Variants in SUMF1 observed in about 807,000 individuals in gnomAD.
SUMF1 encodes sulfatase modifying factor 1, also known as formylglycine-generating enzyme.
In SUMF1, 48 loss-of-function variants were observed where a neutral mutation model predicts 47.6. The ratio of observed to expected loss-of-function variants is 1.01; its 90% CI spans 0.80 to 1.28. The LOEUF (loss-of-function observed/expected upper bound fraction) is 1.28. SUMF1 is among the 50% of genes most tolerant of loss of function. The pLI is 0.00. For synonymous variants in SUMF1, 230 were observed against 192.1 expected (o/e 1.20, Z -1.63); for missense variants, 571 against 485.4 (o/e 1.18, Z -1.66).
At chr3:4,456,734 A>ATG (rs2079628952) in intron 1 of SUMF1, among the ~76,000 whole-genome samples, 1 of 109,552 alleles carries the variant, frequency 9.1e-6, no homozygotes, top group Non-Finnish European at 2.0e-5. Flanking sequence ...ATACGTGTGT[A>ATG]TATATACACA....
intron 8 of SUMF1, among the ~76,000 whole-genome samples, chr3:4,355,437 A>C (rs1320830937): frequency 1.3e-5 from 2 of 152,152 alleles, no homozygotes; most frequent in African/African-American, 4.8e-5. Flanking sequence ...AATAAATAAA[A>C]TCTTATTTGG....
intron 1 of SUMF1, among the ~76,000 whole-genome samples, chr3:4,456,743 C>CGTGT (rs1553589097): frequency 2.2e-4 from 3 of 13,912 alleles, no homozygotes; most frequent in Admixed American, 7.6e-4. Context: ...TATATATACA[C>CGTGT]ACATATATAC....
intron 8 of SUMF1, among the ~76,000 whole-genome samples, chr3:4,111,238 C>T (rs1288726092): frequency 6.6e-6 from 1 of 151,946 alleles, no homozygotes; most frequent in Non-Finnish European, 1.5e-5. Context: ...TACTGAGTTT[C>T]ACTTCCCGCC....
intron 8 of SUMF1, among the ~76,000 whole-genome samples, chr3:4,202,519 T>C (rs1191007430): frequency 6.6e-6 from 1 of 152,076 alleles, no homozygotes; most frequent in Non-Finnish European, 1.5e-5. Context: ...CTCTGTAGTA[T>C]AATTTGAACT....
At position 4,396,917 on chromosome 3, in the gene SUMF1, A is replaced by ATAAAGCAT. The variant is rs1701057091; in HGVS notation, c.954+13947_954+13948insATGCTTTA. ...TGAAACACAAGGCTATAAAGCATCT[A>ATAAAGCAT]TGTGCTGAAAACCAGTCAACCTAAA... On this transcript the variant is annotated intron_variant, in intron 7 of 8. Coordinates refer to ENST00000272902, the MANE Select transcript of SUMF1 (RefSeq NM_182760.4). 2.0e-5 allele frequency among the ~76,000 whole-genome samples: 3 copies of ATAAAGCAT among 152,240 alleles called. No individual in the cohort carries two copies. In the South Asian group the frequency reaches 6.2e-4, roughly 32 times the overall value.
At chr3:4,348,832 G>C (rs1291352585) in intron 8 of SUMF1, among the ~76,000 whole-genome samples, 1 of 152,104 alleles carries the variant, frequency 6.6e-6, no homozygotes, top group Non-Finnish European at 1.5e-5. Flanking sequence ...CCAAGATCAC[G>C]CCATTGCACT....
chr3:4,254,210 C>T (rs1696888127), intron 8 of SUMF1, among the ~76,000 whole-genome samples: 2 of 152,018 alleles, frequency 1.3e-5, no homozygotes, highest in East Asian at 1.9e-4. Flanking sequence ...GAGCGCCTCT[C>T]CTCCTCCAAA....
At chr3:4,183,874 T>C (rs2125135934) in intron 8 of SUMF1, among the ~76,000 whole-genome samples, 1 of 152,120 alleles carries the variant, frequency 6.6e-6, no homozygotes, top group East Asian at 1.9e-4. Context: ...AAAAGAGGCA[T>C]TAAAGAAAAA....
At chr3:4,146,510 G>A (rs571293847) in intron 8 of SUMF1, among the ~76,000 whole-genome samples, 1 of 151,998 alleles carries the variant, frequency 6.6e-6, no homozygotes, top group East Asian at 1.9e-4. Context: ...GGTAGTTATA[G>A]ATAGCACCAA....
chr3:4,265,046 A>C (rs1278605204), intron 8 of SUMF1, among the ~76,000 whole-genome samples: 1 of 149,016 alleles, frequency 6.7e-6, no homozygotes, highest in East Asian at 2.0e-4. Flanking sequence ...GTGAGACAGG[A>C]GAATCGCTTG....
chr3:4,098,410 GA>G (rs1559468577), intron 8 of SUMF1, among the ~76,000 whole-genome samples: 1 of 152,112 alleles, frequency 6.6e-6, no homozygotes. Context: ...GGTAGAGCCT[GA>G]AAAACTGTGT....
chr3:4,377,098 G>A (rs1700352297), intron 7 of SUMF1, among the ~76,000 whole-genome samples: 1 of 152,180 alleles, frequency 6.6e-6, no homozygotes, highest in Non-Finnish European at 1.5e-5. Context: ...ACCATGCCAA[G>A]CCAGAATTAT....
At chr3:4,141,066 A>C (rs979305391) in intron 8 of SUMF1, among the ~76,000 whole-genome samples, 2 of 152,162 alleles carry the variant, frequency 1.3e-5, no homozygotes, top group African/African-American at 4.8e-5. Context: ...ACAGCATTAG[A>C]AGCATATAAT....
intron 8 of SUMF1, chr3:4,316,795 T>C (rs1210639785): frequency 6.4e-7 from 1 of 1,550,772 alleles, no homozygotes; most frequent in Non-Finnish European, 8.7e-7. Flanking sequence ...ATGGTCACTA[T>C]TTGGTGGTCT....
At chr3:4,399,662 A>G (rs1701145627) in intron 7 of SUMF1, among the ~76,000 whole-genome samples, 1 of 152,232 alleles carries the variant, frequency 6.6e-6, no homozygotes, top group Non-Finnish European at 1.5e-5. Context: ...GTCATGAAAA[A>G]GATGGAAAGG....
chr3:4,353,038 C>G (rs1027634759), intron 8 of SUMF1, among the ~76,000 whole-genome samples: 6 of 152,210 alleles, frequency 3.9e-5, no homozygotes, highest in Non-Finnish European at 8.8e-5. Flanking sequence ...TCCCTTTACA[C>G]TCCTAGAAAT....
intron 8 of SUMF1, among the ~76,000 whole-genome samples, chr3:4,203,659 T>TCTTC (rs1005658285): frequency 6.6e-6 from 1 of 151,994 alleles, no homozygotes; most frequent in Non-Finnish European, 1.5e-5. Flanking sequence ...TGTGGTCTTC[T>TCTTC]CTTCCTTCCT....
At chr3:4,067,840 T>C (rs1376324092) in intron 9 of SUMF1, among the ~76,000 whole-genome samples, 2 of 152,134 alleles carry the variant, frequency 1.3e-5, no homozygotes, top group East Asian at 1.9e-4. Flanking sequence ...GTGTCATTCA[T>C]AGGTCATCCC....
In SUMF1 at chr3:4,362,192, C is replaced by T. The variant is rs140751492; in HGVS notation, c.1077G>A (p.Ser359=). The change falls in exon 9 of 9, where the codon TCG becomes TCA. Residue 359 remains serine, a synonymous_variant. Transcript: ENST00000272902. The stretch of plus-strand genomic sequence containing the variant: ...CGGCTGCACAGCGGAATCCCAGATT[C>T]GAAGCAGAGCTATCAGGTGTGTTCT... ...RSQNTPDSSA[S]NLGFRCAADR... is the part of the protein sequence containing the mutation. 5.2e-4 allele frequency: 842 copies of T among 1,614,192 alleles called. 4 individuals carry two copies. The African/African-American group carries it at 9.9e-3, about 19-fold the overall frequency.
Sources: gnomAD v4.1 joint callset for allele counts (sites outside exome capture counted in the v4.1 genomes callset) on GRCh38, gnomAD v4.1.1 for gene constraint, MANE v1.5 for transcripts, NCBI Gene and HGNC (gene_info 2026-07-23, HGNC 2026-07-21) for gene names.